ZFP64: variants seen among roughly 807,000 people sequenced by gnomAD.
ZFP64 encodes ZFP64 zinc finger protein.
Under a neutral mutation model 51.6 loss-of-function variants are expected in ZFP64, and 14 were observed. The observed-to-expected ratio is 0.27, with a 90% CI of 0.18 to 0.42. The LOEUF (loss-of-function observed/expected upper bound fraction) is 0.42. Ranked by LOEUF, ZFP64 falls within the 10% of genes least tolerant of loss-of-function variation. The pLI is 1.00. For synonymous variants in ZFP64, 375 were observed against 361.4 expected (o/e 1.04, Z -0.43); for missense variants, 754 against 906.8 (o/e 0.83, Z 2.16).
chr20:52,140,089 G>A (rs1049307510), intron 5 of ZFP64, among the ~76,000 whole-genome samples: 1 of 151,984 alleles, frequency 6.6e-6, no homozygotes, highest in East Asian at 1.9e-4. Context: ...ATAAGACGAC[G>A]AAATTAACTG....
Position 52,153,570 on chromosome 20 carries a change from T to C in ZFP64, c.764-142A>G. ...TGCAGCTTCTAGCAGCCCCTGGCAGTGGGGGAAGAGGGGCAGGGCGTCTTT... is the reference window on the plus strand; with the variant it reads ...TGCAGCTTCTAGCAGCCCCTGGCAGCGGGGGAAGAGGGGCAGGGCGTCTTT... On this transcript the variant is annotated intron_variant, in intron 5 of 5. Coordinates refer to ENST00000216923, the MANE Select transcript of ZFP64 (RefSeq NM_018197.3). This position sits in a 1 kb window ranked among gnomAD's most constrained non-coding sequence, Gnocchi z 5.1. 1 of 1,299,352 alleles carries C rather than the reference T, an allele frequency of 7.7e-7. No individual in the cohort carries two copies. The highest frequency in any genetic ancestry group is 1.7e-5 in the South Asian group (1 of 57,802). The allele number at this position is 1,299,352 out of a possible 1,614,324, so 80.5% of individuals were successfully genotyped here.
intron 5 of ZFP64, chr20:52,105,458 C>T: frequency 1.1e-6 from 1 of 942,346 alleles, no homozygotes; most frequent in South Asian, 5.6e-5. Flanking sequence ...CCGGGCAGCC[C>T]GCGCCACCTG....
At chr20:52,120,741 A>C (rs1979149626) in intron 5 of ZFP64, among the ~76,000 whole-genome samples, 1 of 120,042 alleles carries the variant, frequency 8.3e-6, no homozygotes. Context: ...CAGTGGCGTG[A>C]TCTCGGCTCA....
rs1003954895 is a variant in ZFP64 at position 52,191,274 on chromosome 20, C to G, written c.46+317G>C. Among the ~76,000 whole-genome samples, 5 of 152,208 alleles carry G rather than the reference C, an allele frequency of 3.3e-5. No individual in the cohort carries two copies. Among genetic ancestry groups the G allele is most frequent in the Admixed American group, 6.5e-5 (1 of 15,290 alleles). On this transcript the variant is annotated intron_variant, in intron 1 of 5. Transcript: ENST00000216923. This position sits in a 1 kb window ranked among gnomAD's most constrained non-coding sequence, Gnocchi z 4.3. The stretch of plus-strand genomic sequence containing the variant: ...TTTCTCCTGCCCGCCCCAAACTCCG[C>G]CTGATGGGGCGGGAATGCCCTTAGG...
At chr20:52,130,942 TGTAGTCCCA>T (rs1244309170) in intron 5 of ZFP64, among the ~76,000 whole-genome samples, 2 of 151,940 alleles carry the variant, frequency 1.3e-5, no homozygotes, top group Non-Finnish European at 2.9e-5. Flanking sequence ...GGCGGGCGCC[TGTAGTCCCA>T]GCTACTCAGG....
At chr20:52,180,547 C>CAA (rs10669415) in intron 2 of ZFP64, among the ~76,000 whole-genome samples, 23,280 of 86,870 alleles carry the variant, frequency 0.27, 3,249 homozygotes, top group Middle Eastern at 0.34. Flanking sequence ...CCAGAAATGG[C>CAA]AAAAAAAAAA....
intron 5 of ZFP64, among the ~76,000 whole-genome samples, chr20:52,113,251 G>A (rs1978688293): frequency 1.3e-5 from 2 of 151,666 alleles, no homozygotes; most frequent in African/African-American, 4.8e-5. Flanking sequence ...GGAGAATGAC[G>A]TGAACCCGGG....
At position 52,085,100 on chromosome 20, in the gene ZFP64, G is replaced by A; in HGVS notation, c.1395C>T (p.His465=). The stretch of plus-strand genomic sequence containing the variant: ...AGGCACAGTGCAGACATTTGAAGGT[G>A]TGCTTGATGCGGATGTGCGATTTGA... The change falls in exon 9 of 9, where the codon CAC becomes CAT. Residue 465 remains histidine (H), a synonymous_variant. Transcript: ENST00000361387. This position sits in a 1 kb window ranked among gnomAD's most constrained non-coding sequence, Gnocchi z 4.3. 1 of 1,614,282 alleles carries A rather than the reference G, an allele frequency of 6.2e-7. No homozygotes were observed. Among genetic ancestry groups the A allele is most frequent in the Non-Finnish European group, 8.5e-7 (1 of 1,180,052 alleles).
At chr20:52,161,434 G>T in intron 4 of ZFP64, among the ~76,000 whole-genome samples, 1 of 145,328 alleles carries the variant, frequency 6.9e-6, no homozygotes. Flanking sequence ...ACCCAGGACC[G>T]TCTTGTGATT....
chr20:52,140,326 C>T (rs1166072592), intron 5 of ZFP64, among the ~76,000 whole-genome samples: 1 of 152,158 alleles, frequency 6.6e-6, no homozygotes, highest in Admixed American at 6.5e-5. Flanking sequence ...TGTTGAAAGC[C>T]AAGACAGGCT....
intron 2 of ZFP64, chr20:52,176,090 C>T (rs780417769): frequency 2.9e-5 from 11 of 373,210 alleles, no homozygotes; most frequent in Non-Finnish European, 3.3e-5. Flanking sequence ...CTGGGCCAAT[C>T]GAGTCTCTTG....
At chr20:52,105,115 C>G in intron 5 of ZFP64, 1 of 1,406,154 alleles carries the variant, frequency 7.1e-7, no homozygotes, top group African/African-American at 1.5e-5. Flanking sequence ...GGGCGGGGCT[C>G]CAGCGGCGCT....
chr20:52,125,276 C>T (rs6021715), intron 5 of ZFP64, among the ~76,000 whole-genome samples: 64,135 of 152,054 alleles, frequency 0.42, 14,547 homozygotes, highest in Admixed American at 0.51. Context: ...TGGGAATTTA[C>T]AGCAGCATGT....
chr20:52,084,721 C>T, exon 9 of ZFP64: 4 of 1,614,238 alleles, frequency 2.5e-6, no homozygotes, highest in South Asian at 1.1e-5. Context: ...AGAGAGTCAT[C>T]CCTGACGAAG....
intron 2 of ZFP64, 40 bp from the exon 3 acceptor site, chr20:52,166,065 G>A: frequency 6.4e-7 from 1 of 1,569,974 alleles, no homozygotes; most frequent in Non-Finnish European, 8.6e-7. Context: ...TAATATAAAT[G>A]CCCGCTAGCT....
intron 5 of ZFP64, among the ~76,000 whole-genome samples, chr20:52,111,445 C>T (rs1978576864): frequency 1.3e-5 from 2 of 151,848 alleles, no homozygotes; most frequent in South Asian, 4.2e-4. Flanking sequence ...GAACTCCCAA[C>T]CTCAGGTGAT....
chr20:52,146,796 T>G (rs1333724532), downstream of ZFP64, among the ~76,000 whole-genome samples: 1 of 152,224 alleles, frequency 6.6e-6, no homozygotes, highest in African/African-American at 2.4e-5. Flanking sequence ...AGTCTGTTGT[T>G]GACCAAAATG....
chr20:52,155,048 A>G (rs1981190589), intron 5 of ZFP64, among the ~76,000 whole-genome samples: 1 of 152,210 alleles, frequency 6.6e-6, no homozygotes, highest in African/African-American at 2.4e-5. Context: ...ACTAAAATAA[A>G]AACCAATAGG....
chr20:52,147,061 T>C (rs1980563513), downstream of ZFP64, among the ~76,000 whole-genome samples: 1 of 152,236 alleles, frequency 6.6e-6, no homozygotes, highest in African/African-American at 2.4e-5. Flanking sequence ...CCCTGATAAG[T>C]AAAACTGCAT....
Sources: gnomAD v4.1 joint callset for allele counts (sites outside exome capture counted in the v4.1 genomes callset) on GRCh38, gnomAD v4.1.1 for gene constraint, Gnocchi (gnomAD v3.1) non-coding constraint, MANE v1.5 for transcripts, NCBI Gene and HGNC (gene_info 2026-07-23, HGNC 2026-07-21) for gene names.